COL21A1: variants seen among roughly 807,000 people sequenced by gnomAD.
COL21A1 encodes the protein collagen type XXI alpha 1 chain.
In COL21A1, 149 loss-of-function variants were observed where a neutral mutation model predicts 137.9. The observed-to-expected ratio is 1.08, with a 90% CI of 0.95 to 1.24. COL21A1 has a LOEUF of 1.24. COL21A1 is among the 50% of genes most tolerant of loss of function. The pLI, the probability that COL21A1 is intolerant of heterozygous loss-of-function variation, is 0.00. For missense variants in COL21A1, 1,167 were observed against 1,158.4 expected (o/e 1.01, Z -0.11); for synonymous variants, 456 against 391.5 (o/e 1.16, Z -1.95).
rs115079907 is a variant in COL21A1, at chr6:56,059,207, C to T, written c.2644G>A (p.Gly882Arg). ...PGRNGEKGSQ[G>R]FGYPGEQGPP... ...CCTTGTTCTCCAGGATACCCAAACCCTTGGCTCCCTTTTTCCCCATTTCTT... is the reference window on the plus strand; with the variant it reads ...CCTTGTTCTCCAGGATACCCAAACCTTTGGCTCCCTTTTTCCCCATTTCTT... The change falls in exon 29 of 30, where the codon GGG becomes AGG. Residue 882 changes from glycine (G) to arginine (R), a missense_variant. Physicochemically the swap from Gly to Arg is moderately radical, Grantham distance 125 (BLOSUM62 -2). Transcript: ENST00000244728. 1,335 of 1,608,442 alleles carry T rather than the reference C, an allele frequency of 8.3e-4. 1 individual carries two copies. The highest frequency in any genetic ancestry group is 1.9e-3 in the Admixed American group (110 of 58,514).
At chr6:56,297,744 T>C (rs2092440430) in intron 1 of COL21A1, among the ~76,000 whole-genome samples, 1 of 152,090 alleles carries the variant, frequency 6.6e-6, no homozygotes, top group African/African-American at 2.4e-5. Context: ...TTATACACAA[T>C]GAAGTTATGG....
At chr6:56,140,268 A>G (rs1354845090) in intron 12 of COL21A1, among the ~76,000 whole-genome samples, 1 of 152,206 alleles carries the variant, frequency 6.6e-6, no homozygotes, top group African/African-American at 2.4e-5. Flanking sequence ...ACTGAAGACT[A>G]TTTGCTGAGT....
chr6:56,071,834 G>T (rs1766781147), intron 20 of COL21A1, among the ~76,000 whole-genome samples: 1 of 151,344 alleles, frequency 6.6e-6, no homozygotes. Context: ...TTAAGTTCTG[G>T]GTTATATGTG....
intron 1 of COL21A1, among the ~76,000 whole-genome samples, chr6:56,324,338 C>G (rs1325017593): frequency 3.3e-5 from 5 of 152,068 alleles, no homozygotes; most frequent in Non-Finnish European, 7.4e-5. Flanking sequence ...CCACAACTAT[C>G]TAGAAAGGAG....
rs1256046257 is a variant in COL21A1, at chr6:56,064,567, C to G, written c.2172+11G>C. On this transcript the variant is annotated intron_variant, in intron 24 of 29. Coordinates refer to ENST00000244728, the MANE Select transcript of COL21A1 (RefSeq NM_030820.4). ...TATTTCATTTTTTATCAGAAGAAAA[C>G]CAAAAAATACCTGTTGCCCTGGAAT... 6.3e-7 allele frequency: 1 copy of G among 1,586,250 alleles called. No homozygotes were observed. The highest frequency in any genetic ancestry group is 1.7e-5 in the Admixed American group (1 of 57,192).
In COL21A1 at chr6:56,072,565, G is replaced by A. The variant is rs376359859; in HGVS notation, c.1965+1667C>T. Among the ~76,000 whole-genome samples the A allele has an allele frequency of 2.9e-3, 444 of 151,514 alleles. 11 individuals are homozygous for A. In the South Asian group the frequency reaches 0.063, roughly 22 times the overall value. On this transcript the variant is annotated intron_variant, in intron 20 of 29. Transcript: ENST00000244728. ...AAACTAGCAGAAAGAAACGAATATA[G>A]AGGTCAGTACACTATGATCCATGGG... is the stretch of plus-strand genomic sequence containing the variant.
intron 10 of COL21A1, among the ~76,000 whole-genome samples, chr6:56,156,277 C>A (rs1775735617): frequency 6.6e-6 from 1 of 152,164 alleles, no homozygotes; most frequent in African/African-American, 2.4e-5. Flanking sequence ...TAACTCTCTT[C>A]CCAAGCTGGC....
At chr6:56,061,342 G>A (rs1235615402) in intron 25 of COL21A1, among the ~76,000 whole-genome samples, 1 of 152,062 alleles carries the variant, frequency 6.6e-6, no homozygotes. Flanking sequence ...TATTCACAAG[G>A]AGCTTGCATT....
intron 1 of COL21A1, among the ~76,000 whole-genome samples, chr6:56,203,125 T>C (rs1009806970): frequency 5.3e-5 from 8 of 152,202 alleles, no homozygotes; most frequent in Non-Finnish European, 1.0e-4. Context: ...AATGGAAAAC[T>C]AATAAAACTT....
rs367832381 is a variant in COL21A1, at chr6:56,124,071, G to A, written c.1749C>T (p.Pro583=). The change falls in exon 16 of 30, where the codon CCC becomes CCT. Residue 583 remains proline (P), a synonymous_variant. Transcript: ENST00000244728. ...TTTTTTTTATAAATACCTTGAAACC[G>A]GGACTACCCATTAATCCATCCTTTC... ...RHGKDGLMGS[P]GFKGEAGSPG... 10 of 1,506,986 alleles carry A rather than the reference G, an allele frequency of 6.6e-6. No homozygotes were observed. In the East Asian group the frequency reaches 7.5e-5, roughly 11 times the overall value. 93.4% of individuals were successfully genotyped at this position (1,506,986 alleles called of 1,614,324 possible).
At chr6:56,177,757 A>T (rs1005893018) in intron 3 of COL21A1, among the ~76,000 whole-genome samples, 1 of 135,910 alleles carries the variant, frequency 7.4e-6, no homozygotes, top group Non-Finnish European at 1.5e-5. Context: ...GCACCACTGC[A>T]CTCCAGCCTG....
chr6:56,108,082 G>C (rs551530790), intron 16 of COL21A1, among the ~76,000 whole-genome samples: 1 of 152,018 alleles, frequency 6.6e-6, no homozygotes, highest in African/African-American at 2.4e-5. Flanking sequence ...ACAAGGAATA[G>C]TAAACGTAGT....
In COL21A1 at chr6:56,290,498, G is replaced by GTTTTTTTTTTT. The variant is rs371058894; in HGVS notation, c.-39+103472_-39+103473insAAAAAAAAAAA. On this transcript the variant is annotated intron_variant, in intron 1 of 28. Transcript: ENST00000370819. ...AGATGCATATTAGAATCACTTAGGA[G>GTTTTTTTTTTT]ATTTTTTTTTTTTTTTTTTGAGACG... is the stretch of plus-strand genomic sequence containing the variant. 5.7e-4 allele frequency among the ~76,000 whole-genome samples: 76 copies of GTTTTTTTTTTT among 132,962 alleles called. 9 individuals are homozygous for GTTTTTTTTTTT. Among genetic ancestry groups the GTTTTTTTTTTT allele is most frequent in the South Asian group, 7.4e-4 (3 of 4,038 alleles). The allele number at this position is 132,962 out of a possible 152,430, so 87.2% of individuals were successfully genotyped here. A position where few individuals can be genotyped will look rare whatever the true frequency, so the allele number is the denominator to read the frequency against.
chr6:56,075,585 T>C (rs1767162812), intron 18 of COL21A1, 53 bp from the exon 19 acceptor site: 3 of 1,285,330 alleles, frequency 2.3e-6, no homozygotes, highest in Non-Finnish European at 3.2e-6. Context: ...TCAATTTATT[T>C]CAAGAAAGCT....
At chr6:56,384,125 T>C (rs560146642) in intron 1 of COL21A1, among the ~76,000 whole-genome samples, 2 of 152,216 alleles carry the variant, frequency 1.3e-5, no homozygotes, top group East Asian at 3.9e-4. Flanking sequence ...GCATGGAAAT[T>C]GGGGGAAAGA....
At chr6:56,254,931 T>A (rs2152329706) in intron 1 of COL21A1, among the ~76,000 whole-genome samples, 1 of 152,186 alleles carries the variant, frequency 6.6e-6, no homozygotes, top group Non-Finnish European at 1.5e-5. Flanking sequence ...ATCCCTAGAT[T>A]TTTTTTTCTG....
rs1314543182 is a variant in COL21A1, at chr6:56,376,693, T to C, written c.-39+17278A>G. Reference sequence around the variant, plus strand: ...TACTTTATGGCTTCAATTTTCTCCATAAGTTAAGAGCTATGAAAATTTGAT... The same window carrying C: ...TACTTTATGGCTTCAATTTTCTCCACAAGTTAAGAGCTATGAAAATTTGAT... On this transcript the variant is annotated intron_variant, in intron 1 of 28. Coordinates refer to the COL21A1 transcript ENST00000370819. Among the ~76,000 whole-genome samples the C allele has an allele frequency of 2.6e-5, 4 of 152,232 alleles. No homozygotes were observed. In the East Asian group the frequency reaches 7.7e-4, roughly 29 times the overall value.
intron 1 of COL21A1, among the ~76,000 whole-genome samples, chr6:56,246,630 G>A (rs1373085597): frequency 6.6e-6 from 1 of 152,116 alleles, no homozygotes; most frequent in Non-Finnish European, 1.5e-5. Flanking sequence ...GCAAGCACTA[G>A]CATTACCTGG....
intron 12 of COL21A1, among the ~76,000 whole-genome samples, chr6:56,127,867 T>C (rs1031047741): frequency 2.0e-5 from 3 of 152,226 alleles, no homozygotes; most frequent in Admixed American, 1.3e-4. Context: ...TATGCTATTA[T>C]ACACTGGTGT....
Sources: allele counts gnomAD v4.1 joint callset (sites outside exome capture counted in the v4.1 genomes callset), GRCh38; gene constraint gnomAD v4.1.1; transcripts MANE v1.5; gene names NCBI Gene and HGNC (gene_info 2026-07-23, HGNC 2026-07-21).